Variants in CATSPER2 observed in about 807,000 individuals in gnomAD.
The protein encoded by CATSPER2 is cation channel sperm associated 2.
In CATSPER2, 56 loss-of-function variants were observed where a neutral mutation model predicts 68.8. The observed-to-expected ratio is 0.81, with a 90% CI of 0.66 to 1.02. CATSPER2 has a LOEUF of 1.02. Among genes scored for constraint, CATSPER2 ranks in the 50% least tolerant of loss-of-function variants. The probability of loss-of-function intolerance (pLI) is 0.00; values close to 1 mark genes in which losing one functional copy is unlikely to be tolerated. For missense variants in CATSPER2, 582 were observed against 642.0 expected (o/e 0.91, Z 1.01); for synonymous variants, 198 against 229.9 (o/e 0.86, Z 1.26).
rs1412553931 is a variant in CATSPER2, at chr15:43,636,074, T to C, written c.988A>G (p.Ile330Val). The C allele has an allele frequency of 1.3e-6, 2 of 1,589,146 alleles. No homozygotes were observed. The highest frequency in any genetic ancestry group is 1.7e-5 in the Admixed American group (1 of 59,116). The change falls in exon 8 of 13, where the codon ATT (isoleucine) becomes GTT (valine). Residue 330 changes from isoleucine (I) to valine (V), a missense_variant. Coordinates refer to ENST00000396879, the MANE Select transcript of CATSPER2 (RefSeq NM_172095.4). ...GCTACTATGATACTTCGAAAGATAA[T>C]GGAGCCAAGCAACAACCAAAGGATG... is the stretch of plus-strand genomic sequence containing the variant. ...YFILWLLLGSIIFRSIIVAMM... is the reference protein window; with the variant it reads ...YFILWLLLGSVIFRSIIVAMM...
rs796724522 is a variant in CATSPER2 at position 43,648,798 on chromosome 15, G to T, written c.-172C>A. 5 of 1,531,570 alleles carry T rather than the reference G, an allele frequency of 3.3e-6. No homozygotes were observed. The highest frequency in any genetic ancestry group is 4.4e-6 in the Non-Finnish European group (5 of 1,142,842). 94.9% of individuals were successfully genotyped at this position (1,531,570 alleles called of 1,614,324 possible). A position where few individuals can be genotyped will look rare whatever the true frequency, so the allele number is the denominator to read the frequency against. On this transcript the variant is annotated 5_prime_UTR_variant, in exon 1 of 13. Transcript: ENST00000396879. ...ACCCCCAGGTTTCGGCTCACCCCGG[G>T]ACCCGGCCCTAGCCCCTACCCACAG...
chr15:43,637,419 C>T (rs966746835), intron 7 of CATSPER2, among the ~76,000 whole-genome samples: 19 of 151,822 alleles, frequency 1.3e-4, no homozygotes, highest in South Asian at 1.0e-3. Context: ...TCTTTTTAGT[C>T]CCCCATATAC....
intron 4 of CATSPER2, 55 bp downstream of exon 4, chr15:43,646,995 G>A (rs1397123432): frequency 3.4e-6 from 5 of 1,468,380 alleles, no homozygotes; most frequent in Admixed American, 3.3e-5. Flanking sequence ...AGGATTACAC[G>A]TGTGAGCCGG....
At position 43,632,859 on chromosome 15, in the gene CATSPER2, G is replaced by A. The variant is rs570022530; in HGVS notation, c.1254C>T (p.Ala418=). ...CAGATGTTATTAAATCCTCTTCAGT[G>A]GCACCATAATTAGACTCTACTTCAG... ...EVSEVESNYG[A]TEEDLITSAS... is the part of the protein sequence containing the mutation. Residue 418 remains alanine (A), a synonymous_variant, in exon 11 of 13, where the codon GCC becomes GCT. Transcript: ENST00000396879. 41 of 1,612,826 alleles carry A rather than the reference G, an allele frequency of 2.5e-5. 1 individual carries two copies. The East Asian group carries it at 8.7e-4, about 34-fold the overall frequency.
chr15:43,645,058 A>C (rs1303235172), intron 4 of CATSPER2, among the ~76,000 whole-genome samples: 3 of 151,942 alleles, frequency 2.0e-5, no homozygotes, highest in Admixed American at 1.3e-4. Context: ...ACTGCAGTAA[A>C]GGACTATTTT....
chr15:43,631,543 T>C (rs1266960257), intron 12 of CATSPER2: 2 of 387,268 alleles, frequency 5.2e-6, no homozygotes, highest in South Asian at 2.1e-5. Context: ...TTTTTCCTTT[T>C]AGAGGGAAAT....
Position 43,647,037 on chromosome 15 carries a change from G to T in CATSPER2, c.388+13C>A, listed in dbSNP as rs373232340. On this transcript the variant is annotated intron_variant, in intron 4 of 12. Coordinates refer to ENST00000396879, the MANE Select transcript of CATSPER2 (RefSeq NM_172095.4). ...CGGCCTCACTTCCTCTTTCATACAA[G>T]GTCAGTTCTCACCTATTTCAACCAT... 103 of 1,606,366 alleles carry T rather than the reference G, an allele frequency of 6.4e-5. 1 individual carries two copies. In the African/African-American group the frequency reaches 9.0e-4, roughly 14 times the overall value.
chr15:43,638,043 C>T (rs1472920477), intron 7 of CATSPER2, among the ~76,000 whole-genome samples: 1 of 151,224 alleles, frequency 6.6e-6, no homozygotes, highest in African/African-American at 2.4e-5. Context: ...CAATCTCTGC[C>T]TCCCAAGTTC....
chr15:43,633,130 A>G (rs1046635037), intron 10 of CATSPER2, 196 bp from the exon 11 acceptor site: 8 of 861,114 alleles, frequency 9.3e-6, no homozygotes, highest in Admixed American at 5.8e-5. Flanking sequence ...CTCCCCTCCC[A>G]TATCCAGTCC....
intron 2 of CATSPER2, 119 bp downstream of exon 2, chr15:43,647,798 C>T (rs2086198004): frequency 2.6e-6 from 3 of 1,168,314 alleles, no homozygotes; most frequent in African/African-American, 3.0e-5. Context: ...TTTACAAGCC[C>T]TTGATTTATC....
rs1224641625 is a variant in CATSPER2, at chr15:43,628,896, T to C, written c.*1805A>G. The C allele has an allele frequency of 2.1e-5, 3 of 145,992 alleles. No individual in the cohort carries two copies. The highest frequency in any genetic ancestry group is 8.0e-5 in the African/African-American group (3 of 37,424). 9.0% of individuals were successfully genotyped at this position (145,992 alleles called of 1,614,324 possible). A position where few individuals can be genotyped will look rare whatever the true frequency, so the allele number is the denominator to read the frequency against. ...ATTTTTACATCTGTATATACCGGTG[T>C]AACCACCATGCAGATCAAGATATGG... is the stretch of plus-strand genomic sequence containing the variant. On this transcript the variant is annotated 3_prime_UTR_variant, in exon 13 of 13. Coordinates refer to ENST00000396879, the MANE Select transcript of CATSPER2 (RefSeq NM_172095.4).
rs2085885558 is a variant in CATSPER2 at position 43,632,231 on chromosome 15, AG to A, written c.1528del (p.Leu510Ter). On this transcript the variant is annotated frameshift_variant, in exon 12 of 13. Coordinates refer to ENST00000396879, the MANE Select transcript of CATSPER2 (RefSeq NM_172095.4). LOFTEE classifies it high-confidence loss of function. Reference protein sequence around the residue: ...FELLEKLQYNLEERKKLQEFA... With the variant: ...FELLEKLQYNXEERKKLQEFA... ...CTCTTGTAACTTCTTACGTTCCTCT[AG>A]GTTATACTGAAGCTTTTCTAGCAAC... 6.2e-7 allele frequency: 1 copy of A among 1,613,514 alleles called. No individual in the cohort carries two copies. The highest frequency in any genetic ancestry group is 1.7e-5 in the Admixed American group (1 of 59,962).
chr15:43,633,796 T>TA (rs930947647), intron 10 of CATSPER2: 1 of 151,140 alleles, frequency 6.6e-6, no homozygotes, highest in African/African-American at 2.4e-5. Context: ...TACAAAAAAA[T>TA]AAATAAATAA....
At chr15:43,646,724 T>TC (rs909496396) in intron 4 of CATSPER2, among the ~76,000 whole-genome samples, 1 of 150,650 alleles carries the variant, frequency 6.6e-6, no homozygotes, top group African/African-American at 2.4e-5. Flanking sequence ...TTTTCTTTTT[T>TC]TTTTTTTTGA....
rs1354288133 is a variant in CATSPER2 at position 43,638,286 on chromosome 15, C to CTTTCTTTTTTTTTTTT, written c.842+617_842+618insAAAAAAAAAAAAGAAA. On this transcript the variant is annotated intron_variant, in intron 7 of 12. Transcript: ENST00000396879. ...ATTTTTCTTTTCTTTTTCTTTCTTT[C>CTTTCTTTTTTTTTTTT]TTTTTTTTTTTTTTTTTTTTTGAGA... Among the ~76,000 whole-genome samples the CTTTCTTTTTTTTTTTT allele has an allele frequency of 2.9e-3, 234 of 81,832 alleles. 18 individuals are homozygous for CTTTCTTTTTTTTTTTT. Among genetic ancestry groups the CTTTCTTTTTTTTTTTT allele is most frequent in the African/African-American group, 0.014 (184 of 13,266 alleles). 53.7% of individuals were successfully genotyped at this position (81,832 alleles called of 152,430 possible).
chr15:43,646,775 C>T (rs2086173307), intron 4 of CATSPER2, among the ~76,000 whole-genome samples: 1 of 148,738 alleles, frequency 6.7e-6, no homozygotes, highest in Non-Finnish European at 1.5e-5. Flanking sequence ...AATGCAGTGG[C>T]ACAATCTCGG....
At position 43,636,342 on chromosome 15, in the gene CATSPER2, T is replaced by C. The variant is rs768942705; in HGVS notation, c.843-123A>G. Reference sequence around the variant, plus strand: ...TAGTTTGTTCTGATTTTGGCTCCTTTTCTACCATACTCAGTTTTTAGCTAA... The same window carrying C: ...TAGTTTGTTCTGATTTTGGCTCCTTCTCTACCATACTCAGTTTTTAGCTAA... On this transcript the variant is annotated intron_variant, in intron 7 of 12. Coordinates refer to ENST00000396879, the MANE Select transcript of CATSPER2 (RefSeq NM_172095.4). The C allele has an allele frequency of 7.0e-4, 943 of 1,338,994 alleles. 7 individuals carry two copies. Among genetic ancestry groups the C allele is most frequent in the Non-Finnish European group, 9.2e-4 (880 of 953,670 alleles). 82.9% of individuals were successfully genotyped at this position (1,338,994 alleles called of 1,614,324 possible). A position where few individuals can be genotyped will look rare whatever the true frequency, so the allele number is the denominator to read the frequency against.
At chr15:43,644,062 TTC>T (rs1337503829) in intron 4 of CATSPER2, among the ~76,000 whole-genome samples, 2 of 152,054 alleles carry the variant, frequency 1.3e-5, no homozygotes, top group Non-Finnish European at 2.9e-5. Context: ...AAATCTTTTT[TTC>T]TTTCTCATTA....
chr15:43,638,745 A>G (rs1015440302), intron 7 of CATSPER2, among the ~76,000 whole-genome samples, 159 bp downstream of exon 7: 2 of 151,850 alleles, frequency 1.3e-5, no homozygotes, highest in African/African-American at 4.8e-5. Context: ...AGCTAATACC[A>G]TTCACTATTC....
Sources: allele counts gnomAD v4.1 joint callset (sites outside exome capture counted in the v4.1 genomes callset), GRCh38; gene constraint gnomAD v4.1.1; transcripts MANE v1.5; gene names NCBI Gene and HGNC (gene_info 2026-07-23, HGNC 2026-07-21).